SHISA9: variants seen among roughly 807,000 people sequenced by gnomAD.
SHISA9 encodes the protein shisa family member 9.
Under a neutral mutation model 38.0 loss-of-function variants are expected in SHISA9, and 13 were observed. The ratio of observed to expected loss-of-function variants is 0.34; its 90% CI spans 0.22 to 0.54. The LOEUF (loss-of-function observed/expected upper bound fraction) is 0.54, where lower values mean the gene tolerates loss of function less well. Among genes scored for constraint, SHISA9 ranks in the 20% least tolerant of loss-of-function variants. The pLI is 0.91. For synonymous variants in SHISA9, 275 were observed against 242.0 expected, an observed-to-expected ratio of 1.14 and a Z score of -1.27; for missense variants, 538 against 575.8, an observed-to-expected ratio of 0.93 and a Z score of 0.67.
At chr16:12,953,203 A>T (rs1378000290) in intron 2 of SHISA9, among the ~76,000 whole-genome samples, 1 of 145,814 alleles carries the variant, frequency 6.9e-6, no homozygotes, top group Admixed American at 6.9e-5. Flanking sequence ...AAACAAAAAA[A>T]CCCCTCAACA....
chr16:13,080,012 C>T (rs544961722), intron 2 of SHISA9, among the ~76,000 whole-genome samples: 8 of 152,084 alleles, frequency 5.3e-5, no homozygotes, highest in South Asian at 2.1e-4. Flanking sequence ...AAGGGAAGGC[C>T]GGGGGATCCA....
intron 2 of SHISA9, among the ~76,000 whole-genome samples, chr16:12,930,675 A>C (rs888614263): frequency 1.3e-5 from 2 of 152,226 alleles, no homozygotes; most frequent in African/African-American, 2.4e-5. Context: ...TAATGAAAAA[A>C]ACCTTAACAC....
chr16:12,952,306 C>T (rs938340586), intron 2 of SHISA9, among the ~76,000 whole-genome samples: 12 of 152,202 alleles, frequency 7.9e-5, no homozygotes, highest in African/African-American at 2.9e-4. Flanking sequence ...TGGGCCTGTG[C>T]ATCTCCTCTG....
In SHISA9 at chr16:13,220,825, A is replaced by C. The variant is rs995784035; in HGVS notation, c.895+7525A>C. Among the ~76,000 whole-genome samples the C allele has an allele frequency of 4.6e-5, 7 of 152,278 alleles. No individual in the cohort carries two copies. The East Asian group carries it at 1.4e-3, about 30-fold the overall frequency. ...CACCGTTGTCCAGTAGCCTTTCAGA[A>C]GATGTTGACTGCACAGCAGGACTGC... On this transcript the variant is annotated intron_variant, in intron 4 of 4. Coordinates refer to ENST00000558583, the MANE Select transcript of SHISA9 (RefSeq NM_001145204.3).
At chr16:13,348,461 G>A in the SHISA9 span, among the ~76,000 whole-genome samples, 3 of 151,784 alleles carry the variant, frequency 2.0e-5, no homozygotes, top group East Asian at 2.0e-4. Context: ...TACTATTATC[G>A]CCCTTAATGT....
chr16:13,168,000 T>G (rs1450632060), intron 2 of SHISA9, among the ~76,000 whole-genome samples: 1 of 152,222 alleles, frequency 6.6e-6, no homozygotes, highest in Non-Finnish European at 1.5e-5. Context: ...CTCACCTGTC[T>G]GTAACAACCA....
chr16:13,062,214 C>A (rs1217531577), intron 2 of SHISA9, among the ~76,000 whole-genome samples: 1 of 151,888 alleles, frequency 6.6e-6, no homozygotes, highest in Non-Finnish European at 1.5e-5. Context: ...CATTGTTTAT[C>A]TGAAATGCAC....
chr16:13,092,399 C>A (rs61601842), intron 2 of SHISA9, among the ~76,000 whole-genome samples: 2 of 152,192 alleles, frequency 1.3e-5, no homozygotes, highest in African/African-American at 4.8e-5. Context: ...TTGTCTGCTG[C>A]CTTTTGTTCA....
At chr16:13,502,704 A>C in the SHISA9 span, among the ~76,000 whole-genome samples, 1 of 151,970 alleles carries the variant, frequency 6.6e-6, no homozygotes, top group African/African-American at 2.4e-5. Context: ...GTGAAACCCC[A>C]TCTCTACTAA....
At chr16:13,474,737 G>T in the SHISA9 span, among the ~76,000 whole-genome samples, 2 of 152,206 alleles carry the variant, frequency 1.3e-5, no homozygotes, top group South Asian at 4.1e-4. Context: ...CCTCTCTGAG[G>T]AGGTGCCTTT....
intron 2 of SHISA9, among the ~76,000 whole-genome samples, chr16:13,140,614 C>T (rs1407116455): frequency 6.6e-6 from 1 of 152,208 alleles, no homozygotes; most frequent in Non-Finnish European, 1.5e-5. Context: ...GTACTAGGTA[C>T]TGGGGATGCA....
chr16:13,051,491 G>A (rs559213277), intron 2 of SHISA9, among the ~76,000 whole-genome samples: 37 of 152,308 alleles, frequency 2.4e-4, no homozygotes, highest in South Asian at 1.4e-3. Flanking sequence ...GGTGGCCTGC[G>A]TGCTTCAATT....
chr16:13,205,715 C>T (rs897933906), intron 3 of SHISA9, among the ~76,000 whole-genome samples: 4 of 152,150 alleles, frequency 2.6e-5, no homozygotes, highest in African/African-American at 7.2e-5. Context: ...GAATCCTTTT[C>T]TCATTTCCAT....
chr16:13,136,402 T>TG (rs1335699538), intron 2 of SHISA9, among the ~76,000 whole-genome samples: 1 of 141,530 alleles, frequency 7.1e-6, no homozygotes, highest in African/African-American at 2.7e-5. Flanking sequence ...CCTTCTTTTT[T>TG]TTTTTTTTTT....
chr16:13,195,325 C>T (rs1356047155), intron 2 of SHISA9, among the ~76,000 whole-genome samples: 1 of 152,026 alleles, frequency 6.6e-6, no homozygotes, highest in African/African-American at 2.4e-5. Flanking sequence ...TTCCGATTCC[C>T]AAATTTGGAA....
intron 1 of SHISA9, among the ~76,000 whole-genome samples, chr16:12,906,289 G>A (rs2141706160): frequency 6.6e-6 from 1 of 152,332 alleles, no homozygotes; most frequent in East Asian, 1.9e-4. Flanking sequence ...CATAAAGTAT[G>A]TTGTCGCACC....
chr16:13,542,020 C>T, the SHISA9 span, among the ~76,000 whole-genome samples: 1 of 152,068 alleles, frequency 6.6e-6, no homozygotes, highest in Non-Finnish European at 1.5e-5. Flanking sequence ...ATTTTGGACC[C>T]TAAACCCAGT....
At chr16:13,072,453 C>G (rs925869330) in intron 2 of SHISA9, among the ~76,000 whole-genome samples, 1 of 152,148 alleles carries the variant, frequency 6.6e-6, no homozygotes, top group Non-Finnish European at 1.5e-5. Context: ...TTAGTTATCT[C>G]TTGGCGAAAT....
At chr16:13,107,384 G>A (rs1046295598) in intron 2 of SHISA9, among the ~76,000 whole-genome samples, 5 of 151,852 alleles carry the variant, frequency 3.3e-5, no homozygotes, top group Non-Finnish European at 7.4e-5. Context: ...GCAGTGAGCC[G>A]AGATTGCACT....
Sources: gnomAD v4.1 joint callset for allele counts (sites outside exome capture counted in the v4.1 genomes callset) on GRCh38, gnomAD v4.1.1 for gene constraint, MANE v1.5 for transcripts, NCBI Gene and HGNC (gene_info 2026-07-23, HGNC 2026-07-21) for gene names.